Variants in APLP1 observed in about 807,000 individuals in gnomAD.
APLP1 encodes amyloid beta (A4) precursor-like protein 1.
APLP1 carries 46 observed loss-of-function variants against 84.5 expected under a neutral mutation model. The observed-to-expected ratio is 0.54, with a 90% confidence interval of 0.43 to 0.70. APLP1 has a LOEUF of 0.70. Among genes scored for constraint, APLP1 ranks in the 30% least tolerant of loss-of-function variants. The pLI, the probability that APLP1 is intolerant of heterozygous loss-of-function variation, is 0.00. For synonymous variants in APLP1, 376 were observed against 364.0 expected (o/e 1.03, Z -0.38); for missense variants, 826 against 900.2 (o/e 0.92, Z 1.05).
chr19:35,871,240 G>T lies in APLP1; in HGVS notation c.428G>T (p.Gly143Val), dbSNP rs773010708. 3 of 1,613,220 alleles carry T rather than the reference G, an allele frequency of 1.9e-6. No individual in the cohort carries two copies. Among genetic ancestry groups the T allele is most frequent in the Non-Finnish European group, 2.5e-6 (3 of 1,179,648 alleles). ...CTGGTGTCCCGTGCTTCCCCAGCTGGTGAATTTGTGAGTGAGGCCCTGCTG... is the reference window on the plus strand; with the variant it reads ...CTGGTGTCCCGTGCTTCCCCAGCTGTTGAATTTGTGAGTGAGGCCCTGCTG... ...HQVVPFRCLP[G>V]EFVSEALLVP... Residue 143 changes from glycine (G) to valine (V), a missense_variant, in exon 4 of 17, where the codon GGT (glycine) becomes GTT (valine). Physicochemically the swap from Gly to Val is moderately radical, Grantham distance 109 (BLOSUM62 -3). Coordinates refer to ENST00000221891, the MANE Select transcript of APLP1 (RefSeq NM_001024807.3).
intron 1 of APLP1, chr19:35,869,379 C>A (rs1468106622): frequency 4.9e-6 from 3 of 612,188 alleles, no homozygotes; most frequent in Non-Finnish European, 8.6e-6. Context: ...TCAGGTTTAA[C>A]CCCTTCGGGC....
chr19:35,875,411 C>T (rs1324593208), intron 10 of APLP1, among the ~76,000 whole-genome samples: 3 of 151,658 alleles, frequency 2.0e-5, no homozygotes, highest in African/African-American at 7.3e-5. Context: ...CTGCAACCTC[C>T]GCCTACTGGG....
At chr19:35,876,456 T>C (rs1974282870) in intron 10 of APLP1, 61 bp from the exon 11 acceptor site, 1 of 1,416,330 alleles carries the variant, frequency 7.1e-7, no homozygotes, top group Non-Finnish European at 1.0e-6. Context: ...TCATACTGCT[T>C]CAGTTTCCTC....
chr19:35,870,740 T>C, intron 2 of APLP1, 156 bp from the exon 3 acceptor site: 1 of 1,075,400 alleles, frequency 9.3e-7, no homozygotes, highest in Non-Finnish European at 1.3e-6. Context: ...GCCGAGATTG[T>C]ACCATTCCAC....
intron 1 of APLP1, chr19:35,869,150 T>A: frequency 6.4e-6 from 2 of 314,690 alleles, no homozygotes; most frequent in South Asian, 1.2e-4. Flanking sequence ...TGGACCCATA[T>A]GGAGGCCCTT....
At position 35,871,986 on chromosome 19, in the gene APLP1, A is replaced by G. The variant is rs892106146; in HGVS notation, c.800A>G (p.Glu267Gly). The change falls in exon 6 of 17, where the codon GAG becomes GGG. Residue 267 changes from glutamate to glycine, a missense_variant. Glu to Gly is a moderately conservative substitution (Grantham distance 98). This residue lies in a region of APLP1 where 383 missense variants were observed against 378.3 expected (regional missense o/e 1.01). Coordinates refer to ENST00000221891, the MANE Select transcript of APLP1 (RefSeq NM_001024807.3). ...GAGCCTCCGCAGGCTGAAGAGGAAG[A>G]GGAAACGGTCCCACCCCCAAGCTCC... is the stretch of plus-strand genomic sequence containing the variant. ...FVEPPQAEEE[E>G]ETVPPPSSHT... 1 of 1,614,120 alleles carries G rather than the reference A, an allele frequency of 6.2e-7. No individual in the cohort carries two copies. Among genetic ancestry groups the G allele is most frequent in the Non-Finnish European group, 8.5e-7 (1 of 1,180,018 alleles).
At position 35,879,692 on chromosome 19, in the gene APLP1, C is replaced by T. The variant is rs1301571988; in HGVS notation, c.*251C>T. The T allele has an allele frequency of 1.9e-6, 1 of 520,524 alleles. No individual in the cohort carries two copies. Among genetic ancestry groups the T allele is most frequent in the Non-Finnish European group, 3.4e-6 (1 of 294,664 alleles). The allele number at this position is 520,524 out of a possible 1,614,324, so 32.2% of individuals were successfully genotyped here. Reference sequence around the variant, plus strand: ...ATTTATTTTTTAAGTTTATTTATGGCTCTTTAAGGTGACCGCCACCTTGGT... The same window carrying T: ...ATTTATTTTTTAAGTTTATTTATGGTTCTTTAAGGTGACCGCCACCTTGGT... On this transcript the variant is annotated 3_prime_UTR_variant, in exon 17 of 17. Transcript: ENST00000221891.
Position 35,874,583 on chromosome 19 carries a change from G to C in APLP1, c.1136G>C (p.Arg379Pro). The change falls in exon 9 of 17, where the codon CGC becomes CCC. Residue 379 changes from arginine (R) to proline (P), a missense_variant. Coordinates refer to ENST00000221891, the MANE Select transcript of APLP1 (RefSeq NM_001024807.3). This position sits in a 1 kb window ranked among gnomAD's most constrained non-coding sequence, Gnocchi z 6.4. Reference protein sequence around the residue: ...RQRLVETHATRVIALINDQRR... With the variant: ...RQRLVETHATPVIALINDQRR... ...CGCCTGGTGGAAACCCACGCCACCC[G>C]CGTCATCGCCCTTATCAACGACCAG... 3 of 1,614,168 alleles carry C rather than the reference G, an allele frequency of 1.9e-6. No individual in the cohort carries two copies. The highest frequency in any genetic ancestry group is 2.5e-6 in the Non-Finnish European group (3 of 1,180,050).
In APLP1 at chr19:35,879,185, C is replaced by T. The variant is rs776390888; in HGVS notation, c.1825C>T (p.Pro609Ser). The T allele has an allele frequency of 3.1e-6, 5 of 1,613,040 alleles. No homozygotes were observed. The South Asian group carries it at 5.5e-5, about 18-fold the overall frequency. The change falls in exon 16 of 17, where the codon CCC becomes TCC. Residue 609 changes from proline (P) to serine (S), a missense_variant. Physicochemically the swap from Pro to Ser is moderately conservative, Grantham distance 74 (BLOSUM62 -1). Transcript: ENST00000221891. ...CATGCTGCTCCTGCGCAGGAAGAAG[C>T]CCTACGGGGCTATCAGCCATGGCGT... ...LSMLLLRRKK[P>S]YGAISHGVVE... is the part of the protein sequence containing the mutation.
At position 35,879,413 on chromosome 19, in the gene APLP1, C is replaced by A. The variant is rs781282854; in HGVS notation, c.1928C>A (p.Thr643Asn). ...CAGCGGCACGGCTATGAGAACCCCACTTACCGCTTCCTGGAGGAACGACCC... is the reference window on the plus strand; with the variant it reads ...CAGCGGCACGGCTATGAGAACCCCAATTACCGCTTCCTGGAGGAACGACCC... The part of the protein sequence containing the change: ...ELQRHGYENP[T>N]YRFLEERP Residue 643 changes from threonine to asparagine, a missense_variant, in exon 17 of 17, where the codon ACT becomes AAT. This residue lies in a region of APLP1 where 433 missense variants were observed against 496.5 expected (regional missense o/e 0.87). Coordinates refer to ENST00000221891, the MANE Select transcript of APLP1 (RefSeq NM_001024807.3). 11 of 1,613,560 alleles carry A rather than the reference C, an allele frequency of 6.8e-6. No homozygotes were observed. In the South Asian group the frequency reaches 1.1e-4, roughly 16 times the overall value.
intron 10 of APLP1, among the ~76,000 whole-genome samples, chr19:35,876,150 C>T (rs1240436897): frequency 6.6e-6 from 1 of 152,198 alleles, no homozygotes; most frequent in Non-Finnish European, 1.5e-5. Context: ...CTTGTTTTCC[C>T]TGGAACCCCT....
At position 35,872,353 on chromosome 19, in the gene APLP1, C is replaced by G. The variant is rs1004029562; in HGVS notation, c.851-130C>G. On this transcript the variant is annotated intron_variant, in intron 6 of 16. Transcript: ENST00000221891. ...GTCCAGAACTACATCTCCCATAATG[C>G]CAGGCAGCAGCGGTGGCTAAACTGG... 9 of 1,279,226 alleles carry G rather than the reference C, an allele frequency of 7.0e-6. No homozygotes were observed. In the African/African-American group the frequency reaches 1.3e-4, roughly 19 times the overall value. 79.2% of individuals were successfully genotyped at this position (1,279,226 alleles called of 1,614,324 possible).
intron 13 of APLP1, 139 bp downstream of exon 13, chr19:35,878,247 C>T: frequency 2.0e-6 from 2 of 985,736 alleles, no homozygotes; most frequent in Non-Finnish European, 3.1e-6. Flanking sequence ...CCTCTGGACC[C>T]TAAAGAATGA....
intron 1 of APLP1, chr19:35,869,220 A>G: frequency 2.4e-6 from 1 of 411,954 alleles, no homozygotes; most frequent in South Asian, 3.5e-5. Flanking sequence ...AACCAGATGT[A>G]GCTCTCCAGT....
chr19:35,877,999 C>T, intron 12 of APLP1, 83 bp from the exon 13 acceptor site: 1 of 1,487,252 alleles, frequency 6.7e-7, no homozygotes, highest in Admixed American at 1.9e-5. Flanking sequence ...CTTCTTAGTC[C>T]CTGGAAGGAT....
rs557027812 is a variant in APLP1, at chr19:35,874,431, C to T, written c.1057-73C>T. 2.3e-5 allele frequency: 36 copies of T among 1,581,040 alleles called. No individual in the cohort carries two copies. Among genetic ancestry groups the T allele is most frequent in the African/African-American group, 2.0e-4 (15 of 74,466 alleles). Reference sequence around the variant, plus strand: ...GCCCCCCAACCCCATGTAGCCCTGCCTTTCCAGGCTCTCTTTGACCAGGCT... The same window carrying T: ...GCCCCCCAACCCCATGTAGCCCTGCTTTTCCAGGCTCTCTTTGACCAGGCT... On this transcript the variant is annotated intron_variant, in intron 8 of 16. Transcript: ENST00000221891. The surrounding 1 kb of genome is among the most constrained non-coding windows in gnomAD (Gnocchi z 6.4).
intron 3 of APLP1, 73 bp downstream of exon 3, chr19:35,871,101 G>A (rs1356138639): frequency 3.3e-6 from 5 of 1,505,132 alleles, no homozygotes; most frequent in Non-Finnish European, 8.9e-7. Context: ...CCCTCTCTCA[G>A]GCCTACATTA....
chr19:35,878,784 T>C (rs1219711144), intron 14 of APLP1, 106 bp from the exon 15 acceptor site: 12 of 1,545,088 alleles, frequency 7.8e-6, no homozygotes, highest in South Asian at 3.3e-5. Context: ...GGACGTGGAA[T>C]TGAGATCCTA....
rs1431497657 is a variant in APLP1 at position 35,878,624 on chromosome 19, G to A, written c.1620G>A (p.Lys540=). The change falls in exon 14 of 17, where the codon AAG becomes AAA. Residue 540 remains lysine (K), a synonymous_variant. Coordinates refer to ENST00000221891, the MANE Select transcript of APLP1 (RefSeq NM_001024807.3). ...ATGCTGCATCCCCTGAGAAAGAGAAGATGAACCCGCTGGAACAGTATGAGC... is the reference window on the plus strand; with the variant it reads ...ATGCTGCATCCCCTGAGAAAGAGAAAATGAACCCGCTGGAACAGTATGAGC... ...EQDAASPEKE[K]MNPLEQYERK... 1 of 1,614,110 alleles carries A rather than the reference G, an allele frequency of 6.2e-7. No individual in the cohort carries two copies. The highest frequency in any genetic ancestry group is 1.1e-5 in the South Asian group (1 of 91,080).
Sources: gnomAD v4.1 joint callset for allele counts (sites outside exome capture counted in the v4.1 genomes callset) on GRCh38, gnomAD v4.1.1 for gene constraint, gnomAD v4.1.1 regional missense constraint, Gnocchi (gnomAD v3.1) non-coding constraint, MANE v1.5 for transcripts, NCBI Gene and HGNC (gene_info 2026-07-23, HGNC 2026-07-21) for gene names.